MRPS25: variants seen among roughly 807,000 people sequenced by gnomAD.
MRPS25 encodes small ribosomal subunit protein mS25.
MRPS25 carries 15 observed loss-of-function variants against 17.3 expected under a neutral mutation model. The observed-to-expected ratio is 0.87, with a 90% confidence interval of 0.58 to 1.34. The LOEUF is 1.34. Among genes scored for constraint, MRPS25 ranks in the 40% most tolerant of loss-of-function variants. MRPS25 has a pLI of 0.00. For synonymous variants in MRPS25, 94 were observed against 83.3 expected (o/e 1.13, Z -0.70); for missense variants, 225 against 218.6 (o/e 1.03, Z -0.19).
In MRPS25 at chr3:15,050,665, T is replaced by C. The variant is rs1575065320; in HGVS notation, c.*1776A>G. ...AGCTTTTTCCACCCAGCCAAAATGC[T>C]GATAGCAGAGAGACAAGATGCTAGA... is the stretch of plus-strand genomic sequence containing the variant. On this transcript the variant is annotated 3_prime_UTR_variant, in exon 4 of 4. Transcript: ENST00000253686. The C allele has an allele frequency of 1.0e-6, 1 of 985,410 alleles. No individual in the cohort carries two copies. Among genetic ancestry groups the C allele is most frequent in the Non-Finnish European group, 1.2e-6 (1 of 829,950 alleles). The allele number at this position is 985,410 out of a possible 1,614,324, so 61.0% of individuals were successfully genotyped here. A position where few individuals can be genotyped will look rare whatever the true frequency, so the allele number is the denominator to read the frequency against.
intron 2 of MRPS25, among the ~76,000 whole-genome samples, chr3:15,055,129 T>A (rs533733855): frequency 3.7e-4 from 57 of 152,184 alleles, no homozygotes; most frequent in African/African-American, 1.3e-3. Context: ...AACAGCCAGA[T>A]CGCAAGAGAA....
intron 1 of MRPS25, among the ~76,000 whole-genome samples, chr3:15,064,514 G>A (rs997697265): frequency 2.6e-5 from 4 of 152,204 alleles, no homozygotes; most frequent in Non-Finnish European, 5.9e-5. Flanking sequence ...ATGGTGTCTC[G>A]TGGAGCTGCA....
At chr3:15,047,162 A>G, downstream of MRPS25, 1 of 152,748 alleles carries the variant, frequency 6.5e-6, no homozygotes, top group African/African-American at 2.4e-5. Flanking sequence ...TCCTTTAAAG[A>G]GAGTTTTTCA....
chr3:15,058,704 C>A (rs936383433), intron 2 of MRPS25, among the ~76,000 whole-genome samples: 3 of 152,190 alleles, frequency 2.0e-5, no homozygotes, highest in Admixed American at 6.5e-5. Flanking sequence ...TCATTTGATT[C>A]TCATAGCCAT....
chr3:15,042,847 C>T, downstream of MRPS25: 1 of 1,614,062 alleles, frequency 6.2e-7, no homozygotes. Flanking sequence ...GGCCCGGATC[C>T]TCGTTCGCCT....
chr3:15,052,396 C>T lies in MRPS25; in HGVS notation c.*45G>A, dbSNP rs769842546. 1.9e-6 allele frequency: 3 copies of T among 1,581,338 alleles called. No homozygotes were observed. The highest frequency in any genetic ancestry group is 2.6e-6 in the Non-Finnish European group (3 of 1,159,248). On this transcript the variant is annotated 3_prime_UTR_variant, in exon 4 of 4. Transcript: ENST00000253686. ...CCAAAGTAATCCCATTCCAATCTCCCCACTGGTCAGACACCATCACCCCAG... is the reference window on the plus strand; with the variant it reads ...CCAAAGTAATCCCATTCCAATCTCCTCACTGGTCAGACACCATCACCCCAG...
Position 15,050,557 on chromosome 3 carries a change from G to A in MRPS25, c.*1884C>T. 1.0e-6 allele frequency: 1 copy of A among 985,522 alleles called. No individual in the cohort carries two copies. The highest frequency in any genetic ancestry group is 4.7e-5 in the South Asian group (1 of 21,286). 61.0% of individuals were successfully genotyped at this position (985,522 alleles called of 1,614,324 possible). On this transcript the variant is annotated 3_prime_UTR_variant, in exon 4 of 4. Transcript: ENST00000253686. ...CCTTGCAGCCAAGTAGAACGCCCAG[G>A]CAGGTGGTATCAAGGTCAAGACTTC...
chr3:15,061,995 G>A (rs1484465747), intron 1 of MRPS25, among the ~76,000 whole-genome samples: 1 of 148,868 alleles, frequency 6.7e-6, no homozygotes, highest in Admixed American at 6.7e-5. Context: ...GCCCCGTCTG[G>A]GAAGTGAGGA....
rs2042608214 is a variant in MRPS25 at position 15,051,702 on chromosome 3, C to T, written c.*739G>A. ...TATAGACACCATCCCCCCAGCAGGG[C>T]CCCAATGTCTCCACTAGGTGGTGTC... On this transcript the variant is annotated 3_prime_UTR_variant, in exon 4 of 4. Coordinates refer to ENST00000253686, the MANE Select transcript of MRPS25 (RefSeq NM_022497.5). 1.0e-6 allele frequency: 1 copy of T among 985,512 alleles called. No individual in the cohort carries two copies. The highest frequency in any genetic ancestry group is 5.2e-4 in the Middle Eastern group (1 of 1,910). The allele number at this position is 985,512 out of a possible 1,614,324, so 61.0% of individuals were successfully genotyped here. A position where few individuals can be genotyped will look rare whatever the true frequency, so the allele number is the denominator to read the frequency against.
At chr3:15,052,823 C>T (rs999810127) in intron 3 of MRPS25, among the ~76,000 whole-genome samples, 190 bp from the exon 4 acceptor site, 3 of 152,204 alleles carry the variant, frequency 2.0e-5, no homozygotes, top group African/African-American at 7.2e-5. Flanking sequence ...GAAAGAAGGC[C>T]TGCTGTTGTC....
At chr3:15,064,845 C>T (rs2042831959) in intron 1 of MRPS25, among the ~76,000 whole-genome samples, 1 of 152,212 alleles carries the variant, frequency 6.6e-6, no homozygotes, top group African/African-American at 2.4e-5. Flanking sequence ...TTCTTGTCCT[C>T]CGCCCCCCAA....
At chr3:15,061,011 G>A (rs1231317725) in intron 1 of MRPS25, among the ~76,000 whole-genome samples, 1 of 152,178 alleles carries the variant, frequency 6.6e-6, no homozygotes, top group Non-Finnish European at 1.5e-5. Context: ...GGGCGTAGCA[G>A]GCCTCTGATC....
In MRPS25 at chr3:15,060,515, C is replaced by CAA. The variant is rs35071871; in HGVS notation, c.135-1042_135-1041dup. 4.7e-3 allele frequency among the ~76,000 whole-genome samples: 380 copies of CAA among 80,994 alleles called. 12 individuals carry two copies. Among genetic ancestry groups the CAA allele is most frequent in the African/African-American group, 9.5e-3 (178 of 18,750 alleles). The allele number at this position is 80,994 out of a possible 152,430, so 53.1% of individuals were successfully genotyped here. On this transcript the variant is annotated intron_variant, in intron 1 of 3. Coordinates refer to ENST00000253686, the MANE Select transcript of MRPS25 (RefSeq NM_022497.5). ...TAGGCGACAGAGCAAGGTCCTCTCT[C>CAA]AAAAAAAAAAAAAAAAAAAGAAAAG... is the stretch of plus-strand genomic sequence containing the variant.
chr3:15,061,247 G>A (rs868779187), intron 1 of MRPS25, among the ~76,000 whole-genome samples: 1 of 151,926 alleles, frequency 6.6e-6, no homozygotes, highest in African/African-American at 2.4e-5. Flanking sequence ...CTCTTTCCAC[G>A]GTCTCCCTCT....
intron 2 of MRPS25, among the ~76,000 whole-genome samples, chr3:15,058,876 C>T (rs1559328987): frequency 6.6e-6 from 1 of 152,112 alleles, no homozygotes; most frequent in Non-Finnish European, 1.5e-5. Context: ...CTGGTCCAAA[C>T]ATGAACAGCA....
downstream of MRPS25, chr3:15,045,014 C>T (rs564876962): frequency 2.0e-5 from 3 of 152,304 alleles, no homozygotes; most frequent in African/African-American, 7.2e-5. Flanking sequence ...TTTAATTTTG[C>T]CAGCTTAAAG....
downstream of MRPS25, chr3:15,047,826 T>G (rs915806263): frequency 6.6e-6 from 1 of 152,274 alleles, no homozygotes; most frequent in Non-Finnish European, 1.5e-5. Flanking sequence ...TAAATGACTT[T>G]AACTCCTTTC....
downstream of MRPS25, chr3:15,042,544 G>A (rs1482174696): frequency 6.6e-6 from 2 of 302,310 alleles, no homozygotes; most frequent in Non-Finnish European, 1.2e-5. Context: ...ACTTTAGTCT[G>A]TCCTCTGTTG....
rs1023870533 is a variant in MRPS25 at position 15,065,248 on chromosome 3, G to C, written c.-54C>G. ...CGGGCCGCGAGCCGAGCAGCGACGAGAAAGGACTAGCTAGCACCCGCGCGG... is the reference window on the plus strand; with the variant it reads ...CGGGCCGCGAGCCGAGCAGCGACGACAAAGGACTAGCTAGCACCCGCGCGG... On this transcript the variant is annotated 5_prime_UTR_variant, in exon 1 of 4. Coordinates refer to ENST00000253686, the MANE Select transcript of MRPS25 (RefSeq NM_022497.5). 16 of 1,534,806 alleles carry C rather than the reference G, an allele frequency of 1.0e-5. No individual in the cohort carries two copies. Among genetic ancestry groups the C allele is most frequent in the African/African-American group, 1.4e-5 (1 of 73,102 alleles).
Sources: allele counts gnomAD v4.1 joint callset (sites outside exome capture counted in the v4.1 genomes callset), GRCh38; gene constraint gnomAD v4.1.1; transcripts MANE v1.5; gene names NCBI Gene and HGNC (gene_info 2026-07-23, HGNC 2026-07-21).